ZNF396: variants seen among roughly 807,000 people sequenced by gnomAD.
ZNF396 encodes the protein zinc finger protein 396.
A neutral mutation model predicts 20.5 loss-of-function variants in ZNF396; 14 were observed. That is an observed-to-expected ratio of 0.68 (90% CI 0.45 to 1.07). The LOEUF is 1.07. Among genes scored for constraint, ZNF396 ranks in the 50% least tolerant of loss-of-function variants. The pLI, the probability that ZNF396 is intolerant of heterozygous loss-of-function variation, is 0.00. For missense variants in ZNF396, 347 were observed against 390.1 expected, an observed-to-expected ratio of 0.89 and a Z score of 0.93; for synonymous variants, 119 against 140.6, an observed-to-expected ratio of 0.85 and a Z score of 1.08.
chr18:35,372,142 C>T (rs1486813199), intron 3 of ZNF396: 1 of 151,784 alleles, frequency 6.6e-6, no homozygotes, highest in African/African-American at 2.4e-5. Context: ...TTCTACGAAT[C>T]TTAAAAAAAA....
chr18:35,368,463 A>C lies in ZNF396; in HGVS notation c.*752T>G. The C allele has an allele frequency of 1.0e-6, 1 of 989,840 alleles. No individual in the cohort carries two copies. Among genetic ancestry groups the C allele is most frequent in the Non-Finnish European group, 1.4e-6 (1 of 723,278 alleles). The allele number at this position is 989,840 out of a possible 1,614,324, so 61.3% of individuals were successfully genotyped here. On this transcript the variant is annotated 3_prime_UTR_variant, in exon 4 of 4. Transcript: ENST00000589332. ...TTTTGAATCTAGTAACAGAAGACAA[A>C]ATAGGAATTTATTTTTATTTTTATT...
rs1296465161 is a variant in ZNF396, at chr18:35,373,901, T to C, written c.392A>G (p.Glu131Gly). 2.5e-6 allele frequency: 4 copies of C among 1,613,866 alleles called. No homozygotes were observed. The highest frequency in any genetic ancestry group is 2.2e-5 in the South Asian group (2 of 91,046). Residue 131 changes from glutamate to glycine, a missense_variant, in exon 2 of 4, where the codon GAG becomes GGG. Physicochemically the swap from Glu to Gly is moderately conservative, Grantham distance 98 (BLOSUM62 -2). Transcript: ENST00000589332. ...CTGCTTTGGTCCATCAAGCTCTCTC[T>C]CCACATCCTCCAGCATAGTCACAGT... is the stretch of plus-strand genomic sequence containing the variant. ...EETVTMLEDV[E>G]RELDGPKQIF...
rs1229749499 is a variant in ZNF396, at chr18:35,367,140, A to G, written c.*2075T>C. ...ATGGTTTGTTCCTCTCCGTAATTAC[A>G]AAGACAATGAGCCCCAAATAAAAAG... On this transcript the variant is annotated 3_prime_UTR_variant, in exon 4 of 4. Transcript: ENST00000589332. 1 of 152,236 alleles carries G rather than the reference A, an allele frequency of 6.6e-6. No homozygotes were observed. Among genetic ancestry groups the G allele is most frequent in the Non-Finnish European group, 1.5e-5 (1 of 68,038 alleles). 9.4% of individuals were successfully genotyped at this position (152,236 alleles called of 1,614,324 possible). A position where few individuals can be genotyped will look rare whatever the true frequency, so the allele number is the denominator to read the frequency against.
chr18:35,368,634 T>A lies in ZNF396; in HGVS notation c.*581A>T. The A allele has an allele frequency of 4.9e-6, 3 of 609,086 alleles. No individual in the cohort carries two copies. Among genetic ancestry groups the A allele is most frequent in the Non-Finnish European group, 6.2e-6 (3 of 482,054 alleles). The allele number at this position is 609,086 out of a possible 1,614,324, so 37.7% of individuals were successfully genotyped here. On this transcript the variant is annotated 3_prime_UTR_variant, in exon 4 of 4. Transcript: ENST00000589332. ...GCCTGGCTAATTTTTTGAATTTTAG[T>A]AGAGACGGGGTTTCGCCGTGTTGTC...
chr18:35,376,941 C>A (rs2045266347), intron 1 of ZNF396, among the ~76,000 whole-genome samples: 1 of 152,104 alleles, frequency 6.6e-6, no homozygotes, highest in African/African-American at 2.4e-5. Context: ...GGCTGGCTTC[C>A]GACCATCTCC....
intron 3 of ZNF396, among the ~76,000 whole-genome samples, chr18:35,370,659 C>G (rs1002416968): frequency 1.3e-5 from 2 of 150,542 alleles, no homozygotes; most frequent in African/African-American, 4.9e-5. Context: ...ACTACAGGCG[C>G]CCGCCACTAC....
chr18:35,370,389 C>T (rs1202329557), intron 3 of ZNF396, among the ~76,000 whole-genome samples: 1 of 151,974 alleles, frequency 6.6e-6, no homozygotes, highest in African/African-American at 2.4e-5. Flanking sequence ...ATGCAGAGGG[C>T]CTTATGACTC....
At position 35,373,519 on chromosome 18, in the gene ZNF396, G is replaced by A; in HGVS notation, c.499C>T (p.Leu167Phe). The change falls in exon 3 of 4, where the codon CTC (leucine) becomes TTC (phenylalanine). Residue 167 changes from leucine to phenylalanine, a missense_variant. By Grantham distance (22) the Leu-to-Phe change is conservative (BLOSUM62 0). Transcript: ENST00000589332. ...TGGAGCTGCTTCTTCACGGGCATGA[G>A]CTGGCTACTTGGCAATTCCTCAGTG... Reference protein sequence around the residue: ...EITEELPSSQLMPVKKQLQGA... With the variant: ...EITEELPSSQFMPVKKQLQGA... 6.2e-7 allele frequency: 1 copy of A among 1,614,150 alleles called. No individual in the cohort carries two copies. The highest frequency in any genetic ancestry group is 8.5e-7 in the Non-Finnish European group (1 of 1,180,024).
chr18:35,375,347 T>TG, intron 1 of ZNF396, among the ~76,000 whole-genome samples: 1 of 151,736 alleles, frequency 6.6e-6, no homozygotes, highest in Non-Finnish European at 1.5e-5. Context: ...CATCTGAATG[T>TG]ATTTCTATTT....
chr18:35,374,068 T>A lies in ZNF396; in HGVS notation c.225A>T (p.Glu75Asp), dbSNP rs1239203737. The change falls in exon 2 of 4, where the codon GAA becomes GAT. Residue 75 changes from glutamate (E) to aspartate (D), a missense_variant. Transcript: ENST00000589332. This position sits in a 1 kb window ranked among gnomAD's most constrained non-coding sequence, Gnocchi z 4.3. Reference protein sequence around the residue: ...GPHEALSRLWELCHLWLRPEV... With the variant: ...GPHEALSRLWDLCHLWLRPEV... Reference sequence around the variant, plus strand: ...CCGGCCTCAGCCAGAGATGACAAAGTTCCCAGAGCCGGCTCAGAGCCTCAT... The same window carrying A: ...CCGGCCTCAGCCAGAGATGACAAAGATCCCAGAGCCGGCTCAGAGCCTCAT... 1.2e-6 allele frequency: 2 copies of A among 1,614,214 alleles called. No homozygotes were observed. The highest frequency in any genetic ancestry group is 1.7e-6 in the Non-Finnish European group (2 of 1,180,028).
Position 35,377,292 on chromosome 18 carries a change from G to A in ZNF396, c.-87C>T, listed in dbSNP as rs992360933. On this transcript the variant is annotated 5_prime_UTR_variant, in exon 1 of 4. Coordinates refer to ENST00000589332, the MANE Select transcript of ZNF396 (RefSeq NM_001322286.2). ...TCGGGTCTCACCTCCCGACGCCGTCGGGGAGAAACCGGGGAACTGCCAGCT... is the reference window on the plus strand; with the variant it reads ...TCGGGTCTCACCTCCCGACGCCGTCAGGGAGAAACCGGGGAACTGCCAGCT... 6.6e-5 allele frequency: 10 copies of A among 151,496 alleles called. No individual in the cohort carries two copies. Among genetic ancestry groups the A allele is most frequent in the Non-Finnish European group, 1.3e-4 (9 of 67,784 alleles). 9.4% of individuals were successfully genotyped at this position (151,496 alleles called of 1,614,324 possible).
intron 1 of ZNF396, among the ~76,000 whole-genome samples, chr18:35,375,115 C>T (rs1166116089): frequency 6.6e-6 from 1 of 151,758 alleles, no homozygotes; most frequent in Admixed American, 6.6e-5. Context: ...TAAAACATTA[C>T]TTCGACATTA....
Position 35,369,443 on chromosome 18 carries a change from A to G in ZNF396, c.780T>C (p.Phe260=), listed in dbSNP as rs1226763982. ...QQKCDECGKI[F]SQSSALILHQ... is the part of the protein sequence containing the mutation. Reference sequence around the variant, plus strand: ...GTAAAATAAGGGCTGAGCTCTGACTAAAGATTTTGCCACATTCATCACATT... The same window carrying G: ...GTAAAATAAGGGCTGAGCTCTGACTGAAGATTTTGCCACATTCATCACATT... The change falls in exon 4 of 4, where the codon TTT becomes TTC. Residue 260 remains phenylalanine, a synonymous_variant. Coordinates refer to ENST00000589332, the MANE Select transcript of ZNF396 (RefSeq NM_001322286.2). The G allele has an allele frequency of 3.7e-6, 6 of 1,614,122 alleles. No homozygotes were observed. Among genetic ancestry groups the G allele is most frequent in the African/African-American group, 1.3e-5 (1 of 74,948 alleles).
chr18:35,367,167 A>G lies in ZNF396; in HGVS notation c.*2048T>C, dbSNP rs1361979502. On this transcript the variant is annotated 3_prime_UTR_variant, in exon 4 of 4. Coordinates refer to ENST00000589332, the MANE Select transcript of ZNF396 (RefSeq NM_001322286.2). Reference sequence around the variant, plus strand: ...AGACAATGAGCCCCAAATAAAAAGTATCCTACATTTTTAGTGACTCAAGAT... The same window carrying G: ...AGACAATGAGCCCCAAATAAAAAGTGTCCTACATTTTTAGTGACTCAAGAT... 1 of 152,226 alleles carries G rather than the reference A, an allele frequency of 6.6e-6. No homozygotes were observed. The highest frequency in any genetic ancestry group is 1.5e-5 in the Non-Finnish European group (1 of 68,036). 9.4% of individuals were successfully genotyped at this position (152,226 alleles called of 1,614,324 possible).
Position 35,374,476 on chromosome 18 carries a change from C to G in ZNF396, c.-72-112G>C, listed in dbSNP as rs1235766489. 9 of 546,118 alleles carry G rather than the reference C, an allele frequency of 1.6e-5. No homozygotes were observed. The highest frequency in any genetic ancestry group is 2.5e-5 in the Non-Finnish European group (8 of 314,840). 33.8% of individuals were successfully genotyped at this position (546,118 alleles called of 1,614,324 possible). A position where few individuals can be genotyped will look rare whatever the true frequency, so the allele number is the denominator to read the frequency against. Reference sequence around the variant, plus strand: ...CTGTATAGGAACTACTGACCTTAGTCTTAACAGAAACCATGCTTTTATTTA... The same window carrying G: ...CTGTATAGGAACTACTGACCTTAGTGTTAACAGAAACCATGCTTTTATTTA... On this transcript the variant is annotated intron_variant, in intron 1 of 3. Coordinates refer to ENST00000589332, the MANE Select transcript of ZNF396 (RefSeq NM_001322286.2). This position sits in a 1 kb window ranked among gnomAD's most constrained non-coding sequence, Gnocchi z 4.3.
chr18:35,373,612 A>C lies in ZNF396; in HGVS notation c.418-12T>G. On this transcript the variant is annotated splice_polypyrimidine_tract_variant and intron_variant, in intron 2 of 3. Transcript: ENST00000589332. ...CGTCCAAAAAAGATCTAAAAACAGG[A>C]ATAATTGAGGCTGAAGAACACCATC... 1 of 1,613,358 alleles carries C rather than the reference A, an allele frequency of 6.2e-7. No homozygotes were observed. The highest frequency in any genetic ancestry group is 8.5e-7 in the Non-Finnish European group (1 of 1,179,614).
At position 35,369,483 on chromosome 18, in the gene ZNF396, CAAG is replaced by C; in HGVS notation, c.737_739del (p.Ser246del). On this transcript the variant is annotated inframe_deletion, in exon 4 of 4. Transcript: ENST00000589332. ...TTCATCACATTTCTGTTGTTTTTTCCAAGAAGGGTTTCCTTGTCTCTTTTCAAA... is the reference window on the plus strand; with the variant it reads ...TTCATCACATTTCTGTTGTTTTTTCCAAGGGTTTCCTTGTCTCTTTTCAAA... 1 of 1,614,170 alleles carries C rather than the reference CAAG, an allele frequency of 6.2e-7. No homozygotes were observed. The highest frequency in any genetic ancestry group is 8.5e-7 in the Non-Finnish European group (1 of 1,180,026).
At chr18:35,369,861 A>G (rs926760341) in intron 3 of ZNF396, among the ~76,000 whole-genome samples, 1 of 152,240 alleles carries the variant, frequency 6.6e-6, no homozygotes, top group African/African-American at 2.4e-5. Context: ...AAAGTTGCAA[A>G]GTTCTATGGA....
chr18:35,369,019 G>A lies in ZNF396; in HGVS notation c.*196C>T. On this transcript the variant is annotated 3_prime_UTR_variant, in exon 4 of 4. Transcript: ENST00000589332. ...CTTTGGAATTGCAAACGTCAGAATT[G>A]AGACTGCATTGATAAGCAGAAAAGC... 7.4e-7 allele frequency: 1 copy of A among 1,351,890 alleles called. No individual in the cohort carries two copies. Among genetic ancestry groups the A allele is most frequent in the Non-Finnish European group, 9.5e-7 (1 of 1,058,048 alleles). The allele number at this position is 1,351,890 out of a possible 1,614,324, so 83.7% of individuals were successfully genotyped here. A position where few individuals can be genotyped will look rare whatever the true frequency, so the allele number is the denominator to read the frequency against.
Sources: allele counts gnomAD v4.1 joint callset (sites outside exome capture counted in the v4.1 genomes callset), GRCh38; gene constraint gnomAD v4.1.1; non-coding constraint Gnocchi (gnomAD v3.1); transcripts MANE v1.5; gene names NCBI Gene and HGNC (gene_info 2026-07-23, HGNC 2026-07-21).